The following ZNF142 variants were observed in gnomAD, a reference collection of about 807,000 sequenced individuals.
ZNF142 encodes the protein zinc finger protein 142 (clone pHZ-49).
In ZNF142, 96 loss-of-function variants were observed where a neutral mutation model predicts 132.1. That is an observed-to-expected ratio of 0.73 (90% confidence interval 0.62 to 0.86). The LOEUF (loss-of-function observed/expected upper bound fraction) is 0.86, where lower values mean the gene tolerates loss of function less well. Among genes scored for constraint, ZNF142 ranks in the 40% least tolerant of loss-of-function variants. ZNF142 has a pLI of 0.00. For missense variants in ZNF142, 2,163 were observed against 2,336.2 expected (o/e 0.93, Z 1.53); for synonymous variants, 842 against 890.1 (o/e 0.95, Z 0.96).
rs989479364 is a variant in ZNF142 at position 218,652,261 on chromosome 2, C to T, written c.320G>A (p.Arg107His). ...VKVVEVYFCE[R>H]CEQSFAEPTL... ...GGGCTCTGCGAAGCTCTGTTCACAGCGCTCACAGAAGTACACCTCCACCAC... is the reference window on the plus strand; with the variant it reads ...GGGCTCTGCGAAGCTCTGTTCACAGTGCTCACAGAAGTACACCTCCACCAC... The change falls in exon 5 of 11, where the codon CGC becomes CAC. Residue 107 changes from arginine to histidine, a missense_variant. Around this residue, in one of 7 missense-constraint regions of ZNF142, gnomAD observed 195 missense variants for 172.4 expected, o/e 1.13. Transcript: ENST00000411696. 15 of 456,838 alleles carry T rather than the reference C, an allele frequency of 3.3e-5. No homozygotes were observed. The highest frequency in any genetic ancestry group is 7.0e-5 in the Admixed American group (3 of 42,566). 28.3% of individuals were successfully genotyped at this position (456,838 alleles called of 1,614,324 possible).
chr2:218,648,586 C>T, intron 7 of ZNF142, 49 bp downstream of exon 7: 1 of 1,557,142 alleles, frequency 6.4e-7, no homozygotes, highest in Non-Finnish European at 8.8e-7. Context: ...TAGCCAGTAT[C>T]ACCACCATCA....
chr2:218,641,224 C>T (rs1295134654), intron 9 of ZNF142, among the ~76,000 whole-genome samples: 1 of 151,516 alleles, frequency 6.6e-6, no homozygotes, highest in African/African-American at 2.4e-5. Context: ...CAGGCGTGAG[C>T]CACCTCACCT....
intron 6 of ZNF142, 78 bp from the exon 7 acceptor site, chr2:218,649,537 C>T: frequency 1.5e-6 from 2 of 1,349,798 alleles, no homozygotes; most frequent in East Asian, 2.5e-5. Context: ...CCACAATTTG[C>T]TCAGACACAA....
At position 218,636,218 on chromosome 2, in the gene ZNF142, T is replaced by A. The variant is rs769542701; in HGVS notation, c.*2121A>T. 1.7e-5 allele frequency: 27 copies of A among 1,606,550 alleles called. No individual in the cohort carries two copies. In the South Asian group the frequency reaches 3.0e-4, roughly 18 times the overall value. On this transcript the variant is annotated 3_prime_UTR_variant, in exon 11 of 11. Coordinates refer to ENST00000411696, the MANE Select transcript of ZNF142 (RefSeq NM_001379659.1). ...CAAGAAAACTGTCATAATGTCTTCT[T>A]ATTTCTTTCTGTCCACCAACTCAGG...
rs1362873276 is a variant in ZNF142, at chr2:218,643,543, T to C, written c.3573A>G (p.Ser1191=). 3.1e-6 allele frequency: 5 copies of C among 1,608,048 alleles called. No individual in the cohort carries two copies. Among genetic ancestry groups the C allele is most frequent in the Non-Finnish European group, 4.2e-6 (5 of 1,176,598 alleles). ...FDPVPPAGNS[S]PTEAPKKHHL... ...GGTGCTTCTTAGGGGCCTCCGTGGG[T>C]GAGGAGTTTCCTGCAGGAGGGACTG... Residue 1191 remains serine (S), a synonymous_variant, in exon 9 of 11, where the codon TCA becomes TCG. Coordinates refer to ENST00000411696, the MANE Select transcript of ZNF142 (RefSeq NM_001379659.1).
intron 7 of ZNF142, among the ~76,000 whole-genome samples, chr2:218,647,003 G>C (rs542718335): frequency 7.3e-6 from 1 of 136,398 alleles, no homozygotes. Context: ...AAAAATAAAT[G>C]AGACAACAGA....
chr2:218,654,095 A>C (rs1252085079), intron 4 of ZNF142, among the ~76,000 whole-genome samples: 1 of 152,172 alleles, frequency 6.6e-6, no homozygotes, highest in Non-Finnish European at 1.5e-5. Flanking sequence ...TTGTGCCGTT[A>C]CTGATGGACA....
Position 218,642,006 on chromosome 2 carries a change from G to A in ZNF142, c.5088+22C>T. On this transcript the variant is annotated intron_variant, in intron 9 of 10. Transcript: ENST00000411696. This position sits in a 1 kb window ranked among gnomAD's most constrained non-coding sequence, Gnocchi z 4.6. Reference sequence around the variant, plus strand: ...AGAGCCTGTGCTCCTTCCACTTCCTGCCCCATATCCTCTGACATTACCTTG... The same window carrying A: ...AGAGCCTGTGCTCCTTCCACTTCCTACCCCATATCCTCTGACATTACCTTG... 6.2e-7 allele frequency: 1 copy of A among 1,604,268 alleles called. No homozygotes were observed. Among genetic ancestry groups the A allele is most frequent in the Non-Finnish European group, 8.5e-7 (1 of 1,173,288 alleles).
Position 218,635,742 on chromosome 2 carries a change from C to T in ZNF142, c.*2597G>A, listed in dbSNP as rs768358835. On this transcript the variant is annotated 3_prime_UTR_variant, in exon 11 of 11. Coordinates refer to ENST00000411696, the MANE Select transcript of ZNF142 (RefSeq NM_001379659.1). ...TCTCCCCTGGGGTTGGGAGTAGGGT[C>T]GGGTGGGGCTGGGCTGAGCAGGAAC... The T allele has an allele frequency of 3.3e-5, 52 of 1,565,846 alleles. No homozygotes were observed. Among genetic ancestry groups the T allele is most frequent in the Non-Finnish European group, 3.6e-5 (42 of 1,153,714 alleles).
At position 218,638,650 on chromosome 2, in the gene ZNF142, G is replaced by C; in HGVS notation, c.5353C>G (p.Arg1785Gly). Residue 1785 changes from arginine (R) to glycine (G), a missense_variant, in exon 11 of 11, where the codon CGC (arginine) becomes GGC (glycine). Physicochemically the swap from Arg to Gly is moderately radical, Grantham distance 125. Around this residue, in one of 7 missense-constraint regions of ZNF142, gnomAD observed 325 missense variants for 367.8 expected, o/e 0.88. Coordinates refer to ENST00000411696, the MANE Select transcript of ZNF142 (RefSeq NM_001379659.1). ...KTRFLLRTHL[R>G]KHSEAKPYVC... ...TAGGGTTTGGCCTCACTGTGCTTGC[G>C]AAGGTGGGTGCGCAGCAGGAAGCGC... 6 of 1,614,232 alleles carry C rather than the reference G, an allele frequency of 3.7e-6. No individual in the cohort carries two copies. Among genetic ancestry groups the C allele is most frequent in the South Asian group, 3.3e-5 (3 of 91,082 alleles).
At chr2:218,640,826 C>G in intron 9 of ZNF142, 57 bp from the exon 10 acceptor site, 1 of 1,378,334 alleles carries the variant, frequency 7.3e-7, no homozygotes, top group South Asian at 1.2e-5. Context: ...TAAATGTTAG[C>G]TGTTATTATC....
In ZNF142 at chr2:218,636,163, T is replaced by A; in HGVS notation, c.*2176A>T. On this transcript the variant is annotated 3_prime_UTR_variant, in exon 11 of 11. Coordinates refer to ENST00000411696, the MANE Select transcript of ZNF142 (RefSeq NM_001379659.1). Reference sequence around the variant, plus strand: ...GTAAAATGCTGATTGCCATCTAGATTAAATGAGAACACAAGAAAAGCAACC... The same window carrying A: ...GTAAAATGCTGATTGCCATCTAGATAAAATGAGAACACAAGAAAAGCAACC... 1 of 1,485,396 alleles carries A rather than the reference T, an allele frequency of 6.7e-7. No individual in the cohort carries two copies. The allele number at this position is 1,485,396 out of a possible 1,614,324, so 92.0% of individuals were successfully genotyped here. A position where few individuals can be genotyped will look rare whatever the true frequency, so the allele number is the denominator to read the frequency against.
rs1938031114 is a variant in ZNF142 at position 218,651,883 on chromosome 2, A to G, written c.698T>C (p.Leu233Pro). The G allele has an allele frequency of 2.3e-6, 3 of 1,289,640 alleles. No homozygotes were observed. Among genetic ancestry groups the G allele is most frequent in the Non-Finnish European group, 3.0e-6 (3 of 988,762 alleles). 79.9% of individuals were successfully genotyped at this position (1,289,640 alleles called of 1,614,324 possible). A position where few individuals can be genotyped will look rare whatever the true frequency, so the allele number is the denominator to read the frequency against. Residue 233 changes from leucine (L) to proline (P), a missense_variant, in exon 5 of 11, where the codon CTT becomes CCT. Physicochemically the swap from Leu to Pro is moderately conservative, Grantham distance 98. Around this residue, in one of 7 missense-constraint regions of ZNF142, gnomAD observed 63 missense variants for 104.1 expected, o/e 0.61. Transcript: ENST00000411696. ...VPCSFRGCPLLFGSQQGMELH... is the reference protein window; with the variant it reads ...VPCSFRGCPLPFGSQQGMELH... ...CTCCATGCCCTGCTGGCTCCCGAAA[A>G]GCAGGGGGCAGCCCCGGAAAGAACA...
chr2:218,635,765 A>G lies in ZNF142; in HGVS notation c.*2574T>C, dbSNP rs372399366. The G allele has an allele frequency of 2.5e-6, 4 of 1,603,976 alleles. No individual in the cohort carries two copies. The highest frequency in any genetic ancestry group is 3.4e-6 in the Non-Finnish European group (4 of 1,175,398). ...GTCGGGTGGGGCTGGGCTGAGCAGG[A>G]ACTTGTGAGATTCCAGAGCCCTGAC... is the stretch of plus-strand genomic sequence containing the variant. On this transcript the variant is annotated 3_prime_UTR_variant, in exon 11 of 11. Transcript: ENST00000411696.
intron 4 of ZNF142, among the ~76,000 whole-genome samples, chr2:218,652,629 A>C (rs1387203310): frequency 6.6e-6 from 1 of 152,254 alleles, no homozygotes; most frequent in African/African-American, 2.4e-5. Flanking sequence ...AAAGAAAATG[A>C]CAAACTAGGG....
At chr2:218,650,257 C>A in intron 6 of ZNF142, 102 bp downstream of exon 6, 1 of 1,443,768 alleles carries the variant, frequency 6.9e-7, no homozygotes, top group Non-Finnish European at 9.6e-7. Context: ...TAAAAGGATC[C>A]GAACCAAAGC....
At position 218,651,864 on chromosome 2, in the gene ZNF142, G is replaced by A; in HGVS notation, c.717C>T (p.Gly239=). 2 of 1,289,904 alleles carry A rather than the reference G, an allele frequency of 1.6e-6. No individual in the cohort carries two copies. Among genetic ancestry groups the A allele is most frequent in the South Asian group, 1.2e-5 (1 of 81,034 alleles). The allele number at this position is 1,289,904 out of a possible 1,614,324, so 79.9% of individuals were successfully genotyped here. Residue 239 remains glycine, a synonymous_variant, in exon 5 of 11, where the codon GGC becomes GGT. Transcript: ENST00000411696. ...GCPLLFGSQQ[G]MELHRQAHYP... is the part of the protein sequence containing the mutation. ...AATGCGCCTGCCGGTGCAGCTCCAT[G>A]CCCTGCTGGCTCCCGAAAAGCAGGG...
At chr2:218,655,080 C>A (rs928897148) in intron 4 of ZNF142, among the ~76,000 whole-genome samples, 1 of 152,130 alleles carries the variant, frequency 6.6e-6, no homozygotes, top group African/African-American at 2.4e-5. Flanking sequence ...CAGAGCAAGA[C>A]CCTGTCTCAA....
At position 218,637,176 on chromosome 2, in the gene ZNF142, T is replaced by G; in HGVS notation, c.*1163A>C. ...CTGGTATAAATACATCTCTCTCCAA[T>G]TTGGCTTCAATATGGTCTGTCATTG... On this transcript the variant is annotated 3_prime_UTR_variant, in exon 11 of 11. Coordinates refer to ENST00000411696, the MANE Select transcript of ZNF142 (RefSeq NM_001379659.1). 4.0e-6 allele frequency: 1 copy of G among 247,598 alleles called. No individual in the cohort carries two copies. The highest frequency in any genetic ancestry group is 1.1e-4 in the East Asian group (1 of 9,218). The allele number at this position is 247,598 out of a possible 1,614,324, so 15.3% of individuals were successfully genotyped here.
Sources: gnomAD v4.1 joint callset for allele counts (sites outside exome capture counted in the v4.1 genomes callset) on GRCh38, gnomAD v4.1.1 for gene constraint, gnomAD v4.1.1 regional missense constraint, Gnocchi (gnomAD v3.1) non-coding constraint, MANE v1.5 for transcripts, NCBI Gene and HGNC (gene_info 2026-07-23, HGNC 2026-07-21) for gene names.